The following TMEM115 variants were observed in gnomAD, a reference collection of about 807,000 sequenced individuals.
TMEM115 encodes the protein PP6.
TMEM115 carries 8 observed loss-of-function variants against 20.1 expected under a neutral mutation model. That is an observed-to-expected ratio of 0.40 (90% CI 0.23 to 0.72). The LOEUF is 0.72. TMEM115 is among the 30% of genes least tolerant of loss of function. The probability of loss-of-function intolerance (pLI) is 0.39; values close to 1 mark genes in which losing one functional copy is unlikely to be tolerated. For synonymous variants in TMEM115, 229 were observed against 206.2 expected, an observed-to-expected ratio of 1.11 and a Z score of -0.95; for missense variants, 374 against 455.1, an observed-to-expected ratio of 0.82 and a Z score of 1.62.
chr3:50,358,299 C>T lies in TMEM115; in HGVS notation c.765G>A (p.Lys255=), dbSNP rs972101450. The stretch of plus-strand genomic sequence containing the variant: ...CACCCACATCGTAGCGCTTCACCGT[C>T]TTCTGGCATATCTTTACCTTCACCA... ...SLLVKVKICQ[K]TVKRYDVGAP... The change falls in exon 1 of 2, where the codon AAG becomes AAA. Residue 255 remains lysine, a synonymous_variant. Coordinates refer to ENST00000266025, the MANE Select transcript of TMEM115 (RefSeq NM_007024.5). 6.2e-7 allele frequency: 1 copy of T among 1,613,730 alleles called. No homozygotes were observed. The highest frequency in any genetic ancestry group is 1.7e-5 in the Admixed American group (1 of 60,010).
In TMEM115 at chr3:50,359,110, G is replaced by A; in HGVS notation, c.-47C>T. The A allele has an allele frequency of 2.0e-6, 3 of 1,512,284 alleles. No individual in the cohort carries two copies. Among genetic ancestry groups the A allele is most frequent in the Non-Finnish European group, 1.8e-6 (2 of 1,128,964 alleles). The allele number at this position is 1,512,284 out of a possible 1,614,324, so 93.7% of individuals were successfully genotyped here. A position where few individuals can be genotyped will look rare whatever the true frequency, so the allele number is the denominator to read the frequency against. On this transcript the variant is annotated 5_prime_UTR_variant, in exon 1 of 2. Transcript: ENST00000266025. ...GAGAAAAGGGTCTGGTAGGCCAGGG[G>A]CCTCCCCGGGGCCTCGTCCTAGTCC...
At position 50,355,038 on chromosome 3, in the gene TMEM115, G is replaced by A. The variant is rs79012548; in HGVS notation, c.*305C>T. 1.0e-5 allele frequency: 3 copies of A among 296,364 alleles called. No individual in the cohort carries two copies. Among genetic ancestry groups the A allele is most frequent in the Admixed American group, 1.0e-4 (2 of 19,270 alleles). 18.4% of individuals were successfully genotyped at this position (296,364 alleles called of 1,614,324 possible). A position where few individuals can be genotyped will look rare whatever the true frequency, so the allele number is the denominator to read the frequency against. ...GTTTCAGATGTGAGGGCCGGCCCAG[G>A]AGCTGTGGCATCAGTGTCCCTGCAG... On this transcript the variant is annotated 3_prime_UTR_variant, in exon 2 of 2. Coordinates refer to ENST00000266025, the MANE Select transcript of TMEM115 (RefSeq NM_007024.5).
At position 50,359,147 on chromosome 3, in the gene TMEM115, G is replaced by C; in HGVS notation, c.-84C>G. On this transcript the variant is annotated 5_prime_UTR_variant, in exon 1 of 2. Transcript: ENST00000266025. ...CCTCGTCCTAGTCCGGCCCCGATGG[G>C]AGGCCCAGGCCCGGCCTAGTCACTG... is the stretch of plus-strand genomic sequence containing the variant. The C allele has an allele frequency of 6.9e-7, 1 of 1,454,962 alleles. No individual in the cohort carries two copies. The highest frequency in any genetic ancestry group is 9.0e-7 in the Non-Finnish European group (1 of 1,106,330). The allele number at this position is 1,454,962 out of a possible 1,614,324, so 90.1% of individuals were successfully genotyped here. A position where few individuals can be genotyped will look rare whatever the true frequency, so the allele number is the denominator to read the frequency against.
chr3:50,359,399 C>T lies in TMEM115; in HGVS notation c.-336G>A, dbSNP rs1286919180. ...GGGCCTCCTCCATCCACTGCGAGGC[C>T]CTTCGGTTCGCAAGGGGACTGGTGC... On this transcript the variant is annotated 5_prime_UTR_variant, in exon 1 of 2. Transcript: ENST00000266025. 1 of 281,890 alleles carries T rather than the reference C, an allele frequency of 3.5e-6. No homozygotes were observed. Among genetic ancestry groups the T allele is most frequent in the Non-Finnish European group, 6.8e-6 (1 of 148,140 alleles). 17.5% of individuals were successfully genotyped at this position (281,890 alleles called of 1,614,324 possible).
intron 1 of TMEM115, 143 bp downstream of exon 1, chr3:50,358,070 C>T (rs1703904344): frequency 1.7e-6 from 2 of 1,199,326 alleles, no homozygotes; most frequent in Admixed American, 2.3e-5. Flanking sequence ...TCCTTAAGGC[C>T]AAAGACTGAT....
rs1279007023 is a variant in TMEM115 at position 50,359,094 on chromosome 3, G to T, written c.-31C>A. The T allele has an allele frequency of 6.5e-7, 1 of 1,537,228 alleles. No individual in the cohort carries two copies. The highest frequency in any genetic ancestry group is 8.8e-7 in the Non-Finnish European group (1 of 1,140,214). ...TGGCGGCTGTCGGCCTGAGAAAAGG[G>T]TCTGGTAGGCCAGGGGCCTCCCCGG... On this transcript the variant is annotated 5_prime_UTR_variant, in exon 1 of 2. Coordinates refer to ENST00000266025, the MANE Select transcript of TMEM115 (RefSeq NM_007024.5).
chr3:50,355,714 A>G (rs965385241), intron 1 of TMEM115, among the ~76,000 whole-genome samples, 167 bp from the exon 2 acceptor site: 3 of 152,150 alleles, frequency 2.0e-5, no homozygotes, highest in Admixed American at 1.3e-4. Context: ...AGATTGGTTT[A>G]GGACCCACTC....
intron 1 of TMEM115, among the ~76,000 whole-genome samples, chr3:50,356,037 G>A (rs1211589025): frequency 6.6e-6 from 1 of 152,198 alleles, no homozygotes; most frequent in Non-Finnish European, 1.5e-5. Flanking sequence ...GGGGAAGGCT[G>A]GAATTCAACA....
rs993406084 is a variant in TMEM115, at chr3:50,359,397, G to T, written c.-334C>A. 3.5e-6 allele frequency: 1 copy of T among 288,574 alleles called. No homozygotes were observed. Among genetic ancestry groups the T allele is most frequent in the Non-Finnish European group, 6.6e-6 (1 of 152,164 alleles). 17.9% of individuals were successfully genotyped at this position (288,574 alleles called of 1,614,324 possible). On this transcript the variant is annotated 5_prime_UTR_variant, in exon 1 of 2. Coordinates refer to ENST00000266025, the MANE Select transcript of TMEM115 (RefSeq NM_007024.5). ...CTGGGCCTCCTCCATCCACTGCGAG[G>T]CCCTTCGGTTCGCAAGGGGACTGGT...
rs587775059 is a variant in TMEM115, at chr3:50,355,238, C to T, written c.*105G>A. ...AGCAGAAGGCCATGGAAAGCCCCAG[C>T]AGGCCTTCTTCCCTCTCCTCAGAGC... On this transcript the variant is annotated 3_prime_UTR_variant, in exon 2 of 2. Transcript: ENST00000266025. 3.5e-6 allele frequency: 3 copies of T among 850,300 alleles called. No individual in the cohort carries two copies. The East Asian group carries it at 8.8e-5, about 25-fold the overall frequency. The allele number at this position is 850,300 out of a possible 1,614,324, so 52.7% of individuals were successfully genotyped here. A position where few individuals can be genotyped will look rare whatever the true frequency, so the allele number is the denominator to read the frequency against.
chr3:50,355,570 A>G, intron 1 of TMEM115, 23 bp from the exon 2 acceptor site: 1 of 1,568,218 alleles, frequency 6.4e-7, no homozygotes, highest in Non-Finnish European at 8.6e-7. Flanking sequence ...GAGAGAGGAA[A>G]GGTCACTCTG....
chr3:50,358,026 T>G, intron 1 of TMEM115, 187 bp downstream of exon 1: 1 of 709,886 alleles, frequency 1.4e-6, no homozygotes, highest in Non-Finnish European at 2.3e-6. Flanking sequence ...GTGAGAAAAG[T>G]GCCTCGTGGA....
Position 50,358,659 on chromosome 3 carries a change from G to A in TMEM115, c.405C>T (p.Ile135=), listed in dbSNP as rs748165161. ...FNLVYLFTVR[I]HGALGFLGGV... ...CACCTAGGAAGCCCAAGGCGCCGTG[G>A]ATACGGACAGTGAACAGGTAGACCA... The change falls in exon 1 of 2, where the codon ATC becomes ATT. Residue 135 remains isoleucine (I), a synonymous_variant. Transcript: ENST00000266025. The A allele has an allele frequency of 1.2e-6, 2 of 1,613,188 alleles. No homozygotes were observed. The highest frequency in any genetic ancestry group is 1.3e-5 in the African/African-American group (1 of 74,934).
chr3:50,358,194 T>G lies in TMEM115; in HGVS notation c.851+19A>C. The G allele has an allele frequency of 6.2e-7, 1 of 1,608,874 alleles. No individual in the cohort carries two copies. Among genetic ancestry groups the G allele is most frequent in the Non-Finnish European group, 8.5e-7 (1 of 1,176,082 alleles). ...AGTATGCTCCTAGCTTGACAAGATT[T>G]TGGAAAATTTCACAGTACCTTCTCC... On this transcript the variant is annotated intron_variant, in intron 1 of 1. Coordinates refer to ENST00000266025, the MANE Select transcript of TMEM115 (RefSeq NM_007024.5).
Position 50,358,539 on chromosome 3 carries a change from C to T in TMEM115, c.525G>A (p.Ala175=). ...RVSVMPMLLL[A]LLLLLRLATL... ...TGGCGAGCCGCAGCAGGAGCAGCAG[C>T]GCCAGCAGCAGCATGGGCATCACAC... Residue 175 remains alanine (A), a synonymous_variant, in exon 1 of 2, where the codon GCG becomes GCA. Transcript: ENST00000266025. 1 of 1,611,318 alleles carries T rather than the reference C, an allele frequency of 6.2e-7. No individual in the cohort carries two copies. The highest frequency in any genetic ancestry group is 1.1e-5 in the South Asian group (1 of 90,978).
chr3:50,359,193 A>G lies in TMEM115; in HGVS notation c.-130T>C. 7.3e-7 allele frequency: 1 copy of G among 1,371,130 alleles called. No individual in the cohort carries two copies. The allele number at this position is 1,371,130 out of a possible 1,614,324, so 84.9% of individuals were successfully genotyped here. A position where few individuals can be genotyped will look rare whatever the true frequency, so the allele number is the denominator to read the frequency against. ...CACTGGCCTATGGCCCTGGTAAAGG[A>G]TCCGCTTCCGATCGGGTGGGGCTCT... On this transcript the variant is annotated 5_prime_UTR_variant, in exon 1 of 2. Coordinates refer to ENST00000266025, the MANE Select transcript of TMEM115 (RefSeq NM_007024.5).
chr3:50,355,670 T>C (rs1004537271), intron 1 of TMEM115, 123 bp from the exon 2 acceptor site: 4 of 824,234 alleles, frequency 4.9e-6, no homozygotes, highest in Non-Finnish European at 7.0e-6. Context: ...ATCCTATGTT[T>C]CCCCTTCACC....
Position 50,358,818 on chromosome 3 carries a change from C to G in TMEM115, c.246G>C (p.Val82=), listed in dbSNP as rs373868314. ...GCTCCAGCAAACGCCCGGCCACCAC[C>G]ACCGTTGTCAGGCTGATGGCCACGT... is the stretch of plus-strand genomic sequence containing the variant. ...VWDVAISLTT[V]VVAGRLLEPL... Residue 82 remains valine, a synonymous_variant, in exon 1 of 2, where the codon GTG becomes GTC. Transcript: ENST00000266025. 6.2e-7 allele frequency: 1 copy of G among 1,613,308 alleles called. No individual in the cohort carries two copies. Among genetic ancestry groups the G allele is most frequent in the South Asian group, 1.1e-5 (1 of 91,088 alleles).
Position 50,359,016 on chromosome 3 carries a change from C to T in TMEM115, c.48G>A (p.Leu16=). 6.4e-7 allele frequency: 1 copy of T among 1,567,482 alleles called. No homozygotes were observed. Among genetic ancestry groups the T allele is most frequent in the Non-Finnish European group, 8.6e-7 (1 of 1,156,464 alleles). Residue 16 remains leucine (L), a synonymous_variant, in exon 1 of 2, where the codon CTG becomes CTA. Transcript: ENST00000266025. ...CCTTCACCACCACGCTGGCGCTGGC[C>T]AGAATGGCCCCCAAGTGCTGGCGGG... ...PGARQHLGAI[L]ASASVVVKAL...
Sources: gnomAD v4.1 joint callset for allele counts (sites outside exome capture counted in the v4.1 genomes callset) on GRCh38, gnomAD v4.1.1 for gene constraint, MANE v1.5 for transcripts, NCBI Gene and HGNC (gene_info 2026-07-23, HGNC 2026-07-21) for gene names.